Variants in GABRB3 observed in about 807,000 individuals in gnomAD.
GABRB3 encodes gamma-aminobutyric acid type A receptor subunit beta3.
Under a neutral mutation model 52.1 loss-of-function variants are expected in GABRB3, and 14 were observed. The ratio of observed to expected loss-of-function variants is 0.27; its 90% CI spans 0.18 to 0.42. The LOEUF (loss-of-function observed/expected upper bound fraction) is 0.42, where lower values mean the gene tolerates loss of function less well. Among genes scored for constraint, GABRB3 ranks in the 10% least tolerant of loss-of-function variants. The pLI is 1.00. For synonymous variants in GABRB3, 260 were observed against 232.3 expected (o/e 1.12, Z -1.08); for missense variants, 307 against 609.1 (o/e 0.50, Z 5.22).
chr15:26,615,654 C>T, intron 4 of GABRB3: 1 of 718,310 alleles, frequency 1.4e-6, no homozygotes, highest in South Asian at 4.4e-5. Flanking sequence ...TCACGGACAG[C>T]TCATCTACAG....
intron 3 of GABRB3, among the ~76,000 whole-genome samples, chr15:26,767,450 T>C (rs1891028513): frequency 6.6e-6 from 1 of 152,184 alleles, no homozygotes; most frequent in African/African-American, 2.4e-5. Context: ...ATTTTCTCTG[T>C]AGAGCTCAGC....
chr15:26,667,112 G>A (rs12437523), intron 3 of GABRB3, among the ~76,000 whole-genome samples: 1,909 of 152,296 alleles, frequency 0.013, 36 homozygotes, highest in Admixed American at 0.049. Context: ...ATATCACCTC[G>A]CTTCGGTCCC....
At chr15:26,624,029 G>A (rs956754482) in intron 3 of GABRB3, among the ~76,000 whole-genome samples, 10 of 152,144 alleles carry the variant, frequency 6.6e-5, no homozygotes, top group East Asian at 3.9e-4. Context: ...GAAAACTAGC[G>A]TAGCAATGGT....
At chr15:26,580,543 C>T (rs905252704) in intron 5 of GABRB3, 87 bp from the exon 6 acceptor site, 53 of 1,544,690 alleles carry the variant, frequency 3.4e-5, no homozygotes, top group East Asian at 3.4e-4. Flanking sequence ...ATGGAGGTTG[C>T]GGCTCTGCTA....
chr15:26,594,275 AT>A lies in GABRB3; in HGVS notation c.462-10862del, dbSNP rs113566846. 7.3e-4 allele frequency among the ~76,000 whole-genome samples: 111 copies of A among 151,122 alleles called. No individual in the cohort carries two copies. In the South Asian group the frequency reaches 0.011, roughly 15 times the overall value. ...TTCCTCTTTCTTTGTATGCTTTGTG[AT>A]TTTTTTTCCCCTGAAACTTGGGCAT... On this transcript the variant is annotated intron_variant, in intron 4 of 8. Transcript: ENST00000311550.
At chr15:26,628,140 T>C (rs541952614) in intron 3 of GABRB3, among the ~76,000 whole-genome samples, 1 of 152,372 alleles carries the variant, frequency 6.6e-6, no homozygotes, top group South Asian at 2.1e-4. Context: ...CATAATGTTA[T>C]TGGACAATTA....
intron 3 of GABRB3, among the ~76,000 whole-genome samples, chr15:26,650,071 T>G (rs1400317303): frequency 6.6e-6 from 1 of 152,010 alleles, no homozygotes; most frequent in Non-Finnish European, 1.5e-5. Flanking sequence ...TCAGCTACCC[T>G]CAGCAGCCCA....
chr15:26,612,730 A>G (rs1401969472), intron 4 of GABRB3: 1 of 152,230 alleles, frequency 6.6e-6, no homozygotes, highest in African/African-American at 2.4e-5. Context: ...CACAAGCTAT[A>G]CTTTTAGGAA....
rs1555400756 is a variant in GABRB3, at chr15:26,554,021, T to TTTTATATATATATATATATATATA, written c.1081-5888_1081-5887insTATATATATATATATATATATAAA. Among the ~76,000 whole-genome samples, 39 of 23,670 alleles carry TTTTATATATATATATATATATATA rather than the reference T, an allele frequency of 1.6e-3. 3 individuals carry two copies. Among genetic ancestry groups the TTTTATATATATATATATATATATA allele is most frequent in the African/African-American group, 4.7e-3 (26 of 5,484 alleles). The allele number at this position is 23,670 out of a possible 152,430, so 15.5% of individuals were successfully genotyped here. On this transcript the variant is annotated intron_variant, in intron 8 of 8. Transcript: ENST00000311550. ...TCCCGAGTAGCTGACACCTGACTAT[T>TTTTATATATATATATATATATATA]TATATATATATATATTTATTTATTT...
At chr15:26,569,921 G>C (rs1890331927) in intron 6 of GABRB3, among the ~76,000 whole-genome samples, 2 of 152,080 alleles carry the variant, frequency 1.3e-5, no homozygotes, top group Admixed American at 1.3e-4. Flanking sequence ...TAAGTTATCT[G>C]ATTACTCATT....
At chr15:26,772,095 G>A in intron 3 of GABRB3, 2 of 324,608 alleles carry the variant, frequency 6.2e-6, no homozygotes, top group South Asian at 1.5e-4. Flanking sequence ...CTCGGGACCA[G>A]GCGACAGAGC....
chr15:26,596,853 C>T (rs1007782940), intron 4 of GABRB3, among the ~76,000 whole-genome samples: 1 of 152,130 alleles, frequency 6.6e-6, no homozygotes, highest in Non-Finnish European at 1.5e-5. Flanking sequence ...AATGAAATTT[C>T]TTTCTTACAG....
chr15:26,559,196 T>C (rs1390023340), intron 8 of GABRB3, among the ~76,000 whole-genome samples: 1 of 152,246 alleles, frequency 6.6e-6, no homozygotes, highest in African/African-American at 2.4e-5. Context: ...ACCATCCCTT[T>C]GGTGCTGTCT....
chr15:26,682,281 T>G (rs1394010371), intron 3 of GABRB3, among the ~76,000 whole-genome samples: 1 of 152,082 alleles, frequency 6.6e-6, no homozygotes, highest in African/African-American at 2.4e-5. Context: ...TTCAATACCT[T>G]CCTCCCTCTC....
chr15:26,772,440 C>G lies in GABRB3; in HGVS notation c.202G>C (p.Asp68His). The change falls in exon 3 of 9, where the codon GAC becomes CAC. Residue 68 changes from aspartate to histidine, a missense_variant. By Grantham distance (81) the Asp-to-His change is moderately conservative. This residue lies in a region of GABRB3 where 31 missense variants were observed against 71.2 expected (regional missense o/e 0.44). Coordinates refer to ENST00000311550, the MANE Select transcript of GABRB3 (RefSeq NM_000814.6). ...GPPVCVGMNI[D>H]IASIDMVSEV... ...GAAACCATGTCGATGCTGGCGATGTCGATGTTCATCCCCACGCAGACCGGG... is the reference window on the plus strand; with the variant it reads ...GAAACCATGTCGATGCTGGCGATGTGGATGTTCATCCCCACGCAGACCGGG... 1.2e-6 allele frequency: 2 copies of G among 1,610,900 alleles called. No homozygotes were observed. The highest frequency in any genetic ancestry group is 1.1e-5 in the South Asian group (1 of 90,728).
intron 3 of GABRB3, chr15:26,642,398 C>A: frequency 9.6e-7 from 1 of 1,045,538 alleles, no homozygotes; most frequent in Non-Finnish European, 1.3e-6. Flanking sequence ...CCTGAATATA[C>A]TGAGGGGCAA....
Position 26,625,483 on chromosome 15 carries a change from T to C in GABRB3, c.241-3949A>G, listed in dbSNP as rs1023207076. ...AGAGAAGAGCACAGTCACAAAGAGA[T>C]GGAATTTGCATGGGATGGAGAGTCT... On this transcript the variant is annotated intron_variant, in intron 3 of 8. Transcript: ENST00000311550. The C allele has an allele frequency of 4.1e-6, 4 of 985,216 alleles. No homozygotes were observed. In the African/African-American group the frequency reaches 5.2e-5, roughly 13 times the overall value. The allele number at this position is 985,216 out of a possible 1,614,324, so 61.0% of individuals were successfully genotyped here.
intron 4 of GABRB3, among the ~76,000 whole-genome samples, chr15:26,591,347 A>AT (rs1891197322): frequency 6.6e-6 from 1 of 152,206 alleles, no homozygotes; most frequent in Non-Finnish European, 1.5e-5. Flanking sequence ...GAGGAGTGTC[A>AT]TAAGATAGCA....
chr15:26,706,953 A>G (rs1272449123), intron 3 of GABRB3, among the ~76,000 whole-genome samples: 2 of 152,224 alleles, frequency 1.3e-5, no homozygotes, highest in Non-Finnish European at 2.9e-5. Context: ...TTTGAGAAGC[A>G]GTGCTGAAGC....
Sources: gnomAD v4.1 joint callset for allele counts (sites outside exome capture counted in the v4.1 genomes callset) on GRCh38, gnomAD v4.1.1 for gene constraint, gnomAD v4.1.1 regional missense constraint, MANE v1.5 for transcripts, NCBI Gene and HGNC (gene_info 2026-07-23, HGNC 2026-07-21) for gene names.